The following CEP290 variants were observed in gnomAD, a reference collection of about 807,000 sequenced individuals.
CEP290 encodes the protein centrosomal protein 290, also known as centrosomal protein of 290 kDa.
Under a neutral mutation model 344.9 loss-of-function variants are expected in CEP290, and 317 were observed. The observed-to-expected ratio is 0.92, with a 90% CI of 0.84 to 1.01. The LOEUF (loss-of-function observed/expected upper bound fraction) is 1.01, where lower values mean the gene tolerates loss of function less well. CEP290 is among the 50% of genes least tolerant of loss of function. The probability of loss-of-function intolerance (pLI) is 0.00; values close to 1 mark genes in which losing one functional copy is unlikely to be tolerated. For synonymous variants in CEP290, 932 were observed against 895.8 expected (o/e 1.04, Z -0.72); for missense variants, 2,754 against 2,761.4 (o/e 1.00, Z 0.06).
At chr12:88,058,774 T>C (rs1484827332) in intron 49 of CEP290, 74 bp downstream of exon 49, 9 of 1,407,964 alleles carry the variant, frequency 6.4e-6, no homozygotes, top group Admixed American at 4.0e-5. Flanking sequence ...TTATCCAGAA[T>C]AGTGTTGTCT....
Position 88,087,880 on chromosome 12 carries a change from A to C in CEP290, c.4094T>G (p.Leu1365Ter). 1 of 1,235,308 alleles carries C rather than the reference A, an allele frequency of 8.1e-7. No individual in the cohort carries two copies. The highest frequency in any genetic ancestry group is 1.0e-6 in the Non-Finnish European group (1 of 964,494). 76.5% of individuals were successfully genotyped at this position (1,235,308 alleles called of 1,614,324 possible). A position where few individuals can be genotyped will look rare whatever the true frequency, so the allele number is the denominator to read the frequency against. The change falls in exon 32 of 54, where the codon TTA becomes TGA. Residue 1365 changes from leucine (L) to a stop codon, truncating the protein, a stop_gained. Coordinates refer to ENST00000552810, the MANE Select transcript of CEP290 (RefSeq NM_025114.4). LOFTEE classifies it high-confidence loss of function. ...TTTTATTTCTTCTTTATCCTTGACT[A>C]ATTCCCGATTTAGTTTAAGTTCTTG... is the stretch of plus-strand genomic sequence containing the variant. ...RLQELKLNRE[L>*]VKDKEEIKYL...
At chr12:88,088,017 G>T (rs2036727382) in intron 31 of CEP290, 73 bp from the exon 32 acceptor site, 10 of 583,664 alleles carry the variant, frequency 1.7e-5, no homozygotes, top group South Asian at 9.4e-5. Flanking sequence ...TGATGATAAT[G>T]ATTTTAATTG....
intron 53 of CEP290, chr12:88,049,674 C>CTT (rs2033292023): frequency 3.6e-6 from 1 of 278,478 alleles, no homozygotes; most frequent in South Asian, 6.7e-5. Context: ...TATAATGGGA[C>CTT]TTAATCTTTC....
intron 53 of CEP290, 35 bp from the exon 54 acceptor site, chr12:88,049,449 G>A (rs2033260727): frequency 2.9e-6 from 3 of 1,047,780 alleles, no homozygotes; most frequent in East Asian, 5.2e-5. Flanking sequence ...GTTGCATATA[G>A]GAAATATACA....
intron 41 of CEP290, among the ~76,000 whole-genome samples, chr12:88,074,372 C>G (rs1208533866): frequency 6.6e-6 from 1 of 152,136 alleles, no homozygotes; most frequent in Admixed American, 6.5e-5. Context: ...CTGCAGCACA[C>G]AGTACTTTGT....
At chr12:88,124,639 ATGTAG>A (rs779778488) in intron 13 of CEP290, among the ~76,000 whole-genome samples, 9 of 152,118 alleles carry the variant, frequency 5.9e-5, no homozygotes, top group Non-Finnish European at 1.0e-4. Context: ...GTGTGTATAA[ATGTAG>A]TGTATACATA....
intron 18 of CEP290, 59 bp from the exon 19 acceptor site, chr12:88,115,241 A>C: frequency 1.0e-6 from 1 of 959,232 alleles, no homozygotes. Context: ...CAAGTCTATA[A>C]TTTTCAAGTT....
chr12:88,115,600 T>G, intron 18 of CEP290: 1 of 1,217,388 alleles, frequency 8.2e-7, no homozygotes, highest in Non-Finnish European at 1.1e-6. Context: ...ATTAGACAAG[T>G]CAATGAGTTC....
At chr12:88,062,503 A>G (rs1208334802) in intron 46 of CEP290, among the ~76,000 whole-genome samples, 189 bp downstream of exon 46, 1 of 152,240 alleles carries the variant, frequency 6.6e-6, no homozygotes, top group Admixed American at 6.5e-5. Flanking sequence ...TATGTAAGGT[A>G]TAACAGATGA....
Position 88,052,210 on chromosome 12 carries a change from A to G in CEP290, c.7129+1442T>C, listed in dbSNP as rs140598244. Among the ~76,000 whole-genome samples the G allele has an allele frequency of 3.9e-5, 6 of 152,348 alleles. No individual in the cohort carries two copies. In the East Asian group the frequency reaches 1.2e-3, roughly 29 times the overall value. On this transcript the variant is annotated intron_variant, in intron 52 of 53. Coordinates refer to ENST00000552810, the MANE Select transcript of CEP290 (RefSeq NM_025114.4). Reference sequence around the variant, plus strand: ...TACAAGAGATAGTCAAAGATAGTTCAGATATAAATTGGTATAATCCTTTGG... The same window carrying G: ...TACAAGAGATAGTCAAAGATAGTTCGGATATAAATTGGTATAATCCTTTGG...
In CEP290 at chr12:88,126,433, A is replaced by G. The variant is rs767967987; in HGVS notation, c.948T>C (p.Ile316=). Reference sequence around the variant, plus strand: ...TAATTTCATCATCTTTAGAAGACAAAATTAGCTAGAAATAAACACAATAGA... The same window carrying G: ...TAATTTCATCATCTTTAGAAGACAAGATTAGCTAGAAATAAACACAATAGA... ...VNAKVEEWKL[I]LSSKDDEIIE... The change falls in exon 12 of 54, where the codon ATT becomes ATC. Residue 316 remains isoleucine, a synonymous_variant. Coordinates refer to ENST00000552810, the MANE Select transcript of CEP290 (RefSeq NM_025114.4). 2.7e-6 allele frequency: 4 copies of G among 1,492,238 alleles called. No individual in the cohort carries two copies. In the African/African-American group the frequency reaches 5.8e-5, roughly 22 times the overall value. The allele number at this position is 1,492,238 out of a possible 1,614,324, so 92.4% of individuals were successfully genotyped here. A position where few individuals can be genotyped will look rare whatever the true frequency, so the allele number is the denominator to read the frequency against.
Position 88,089,127 on chromosome 12 carries a change from T to C in CEP290, c.3934A>G (p.Arg1312Gly). 1 of 1,594,676 alleles carries C rather than the reference T, an allele frequency of 6.3e-7. No homozygotes were observed. Among genetic ancestry groups the C allele is most frequent in the Non-Finnish European group, 8.5e-7 (1 of 1,171,894 alleles). ...TCCAATGTTTTGTTCTCCATATTTCTATGTTCTTGTTGAGAATTTTTCATT... is the reference window on the plus strand; with the variant it reads ...TCCAATGTTTTGTTCTCCATATTTCCATGTTCTTGTTGAGAATTTTTCATT... ...QEMKNSQQEH[R>G]NMENKTLEME... The change falls in exon 31 of 54, where the codon AGA becomes GGA. Residue 1312 changes from arginine to glycine, a missense_variant. By Grantham distance (125) the Arg-to-Gly change is moderately radical. Transcript: ENST00000552810.
rs572857721 is a variant in CEP290 at position 88,088,868 on chromosome 12, TG to T, written c.4029+163del. Among the ~76,000 whole-genome samples the T allele has an allele frequency of 7.9e-5, 12 of 152,228 alleles. No individual in the cohort carries two copies. The South Asian group carries it at 2.5e-3, about 32-fold the overall frequency. On this transcript the variant is annotated intron_variant, in intron 31 of 53. Transcript: ENST00000552810. ...AAAATTTTAAAAAATTAGGTAGGTA[TG>T]GTGGTGTGCACCTGTACTGCCAGCT...
intron 28 of CEP290, among the ~76,000 whole-genome samples, chr12:88,093,442 C>G (rs1242040281): frequency 6.6e-6 from 1 of 152,014 alleles, no homozygotes; most frequent in Non-Finnish European, 1.5e-5. Flanking sequence ...TACTGCCAGT[C>G]CCAACACAGG....
chr12:88,082,978 T>A, intron 37 of CEP290, 53 bp downstream of exon 37: 1 of 1,062,184 alleles, frequency 9.4e-7, no homozygotes. Context: ...ATGTTTATCT[T>A]CATTATATCA....
intron 43 of CEP290, among the ~76,000 whole-genome samples, chr12:88,070,279 T>TA (rs1565809928): frequency 6.6e-6 from 1 of 152,180 alleles, no homozygotes; most frequent in Non-Finnish European, 1.5e-5. Context: ...TACCAGGACT[T>TA]AAAGTAGCAG....
At chr12:88,054,448 T>C in intron 50 of CEP290, 35 bp from the exon 51 acceptor site, 1 of 1,452,648 alleles carries the variant, frequency 6.9e-7, no homozygotes, top group Non-Finnish European at 9.6e-7. Context: ...AGATAAGGTT[T>C]GCCATGGAAA....
intron 23 of CEP290, among the ~76,000 whole-genome samples, chr12:88,107,769 G>A (rs1201932543): frequency 6.6e-6 from 1 of 152,016 alleles, no homozygotes; most frequent in Admixed American, 6.6e-5. Context: ...AGGCGTGGTG[G>A]CACATGCCTG....
At chr12:88,098,942 C>T (rs368181745) in intron 26 of CEP290, among the ~76,000 whole-genome samples, 4 of 152,098 alleles carry the variant, frequency 2.6e-5, no homozygotes, top group African/African-American at 9.7e-5. Context: ...CATCAGGGGC[C>T]ACACCAGGCA....
Sources: allele counts gnomAD v4.1 joint callset (sites outside exome capture counted in the v4.1 genomes callset), GRCh38; gene constraint gnomAD v4.1.1; transcripts MANE v1.5; gene names NCBI Gene and HGNC (gene_info 2026-07-23, HGNC 2026-07-21).